The following SMC2 variants were observed in gnomAD, a reference collection of about 807,000 sequenced individuals.
SMC2 encodes structural maintenance of chromosomes 2.
Under a neutral mutation model 142.6 loss-of-function variants are expected in SMC2, and 41 were observed. The ratio of observed to expected loss-of-function variants is 0.29; its 90% CI spans 0.22 to 0.37. The LOEUF (loss-of-function observed/expected upper bound fraction) is 0.37, where lower values mean the gene tolerates loss of function less well. SMC2 is among the 10% of genes least tolerant of loss of function. SMC2 has a pLI of 1.00. For missense variants in SMC2, 1,265 were observed against 1,373.7 expected, an observed-to-expected ratio of 0.92 and a Z score of 1.25; for synonymous variants, 463 against 457.5, an observed-to-expected ratio of 1.01 and a Z score of -0.15.
chr9:104,090,278 G>A (rs945539855), upstream of SMC2, among the ~76,000 whole-genome samples: 5 of 152,204 alleles, frequency 3.3e-5, no homozygotes, highest in Non-Finnish European at 7.3e-5. Flanking sequence ...AAGCAGAACA[G>A]ATACTGCGGT....
intron 20 of SMC2, among the ~76,000 whole-genome samples, 192 bp downstream of exon 20, chr9:104,127,672 A>AT (rs1834462547): frequency 6.6e-6 from 1 of 152,292 alleles, no homozygotes; most frequent in African/African-American, 2.4e-5. Flanking sequence ...CAAATGTTTT[A>AT]TTTTTAGATT....
At chr9:104,098,674 A>G (rs2131296381) in intron 4 of SMC2, 106 bp downstream of exon 4, 1 of 1,156,204 alleles carries the variant, frequency 8.6e-7, no homozygotes, top group Non-Finnish European at 1.2e-6. Context: ...TATACTTTTT[A>G]TTTACTATTG....
intron 22 of SMC2, 75 bp from the exon 23 acceptor site, chr9:104,134,340 C>T (rs1835303645): frequency 4.5e-6 from 5 of 1,110,828 alleles, no homozygotes; most frequent in Non-Finnish European, 6.4e-6. Flanking sequence ...TGCTGTGTTG[C>T]ATATACATAT....
intron 6 of SMC2, 91 bp downstream of exon 6, chr9:104,100,294 G>T: frequency 7.2e-6 from 10 of 1,396,940 alleles, no homozygotes; most frequent in Non-Finnish European, 9.9e-6. Context: ...TTTTTCCTTG[G>T]TTCAGTTTTC....
Position 104,139,173 on chromosome 9 carries a change from A to G in SMC2, c.3452A>G (p.Asn1151Ser), listed in dbSNP as rs771073402. ...GTGTCACTAAAAGAAGGTATGTTCA[A>G]CAATGCAAACGTTCTTTTCAAAACC... ...IVVSLKEGMF[N>S]NANVLFKTKF... is the part of the protein sequence containing the mutation. Residue 1151 changes from asparagine to serine, a missense_variant, in exon 25 of 25, where the codon AAC becomes AGC. By Grantham distance (46) the Asn-to-Ser change is conservative (BLOSUM62 1). This residue lies in a region of SMC2 where 192 missense variants were observed against 261.9 expected (regional missense o/e 0.73). Coordinates refer to ENST00000374793, the MANE Select transcript of SMC2 (RefSeq NM_006444.3). The G allele has an allele frequency of 1.3e-6, 2 of 1,591,858 alleles. No individual in the cohort carries two copies. Among genetic ancestry groups the G allele is most frequent in the South Asian group, 1.2e-5 (1 of 85,632 alleles).
chr9:104,137,782 T>TTGTC (rs1157164144), intron 23 of SMC2, among the ~76,000 whole-genome samples: 1 of 151,768 alleles, frequency 6.6e-6, no homozygotes, highest in African/African-American at 2.4e-5. Context: ...AATATTAAAA[T>TTGTC]TGTCTATGAA....
At chr9:104,125,396 A>G (rs1834156646) in intron 18 of SMC2, among the ~76,000 whole-genome samples, 1 of 152,132 alleles carries the variant, frequency 6.6e-6, no homozygotes, top group Non-Finnish European at 1.5e-5. Flanking sequence ...TATAATGCAA[A>G]TATTCCAAAA....
intron 3 of SMC2, among the ~76,000 whole-genome samples, chr9:104,098,000 G>A (rs2131291563): frequency 6.6e-6 from 1 of 152,236 alleles, no homozygotes; most frequent in African/African-American, 2.4e-5. Flanking sequence ...CTTTTAAATG[G>A]TCATAAATCA....
chr9:104,117,737 G>A (rs1325981155), intron 14 of SMC2, among the ~76,000 whole-genome samples: 2 of 152,118 alleles, frequency 1.3e-5, no homozygotes, highest in Non-Finnish European at 2.9e-5. Flanking sequence ...GCTCATTGGA[G>A]TATTTTGGAT....
intron 14 of SMC2, among the ~76,000 whole-genome samples, chr9:104,116,645 T>TTTTTG (rs1196522704): frequency 6.6e-6 from 1 of 152,082 alleles, no homozygotes; most frequent in Non-Finnish European, 1.5e-5. Flanking sequence ...ATTCTTCAAG[T>TTTTTG]TTTTGTTTTT....
chr9:104,098,396 C>G lies in SMC2; in HGVS notation c.319-50C>G, dbSNP rs775579576. On this transcript the variant is annotated intron_variant, in intron 3 of 24. Coordinates refer to ENST00000374793, the MANE Select transcript of SMC2 (RefSeq NM_006444.3). The stretch of plus-strand genomic sequence containing the variant: ...AGCTAATATACTTAGTTTATCCTAG[C>G]ACAAGGTGTGCATGTACATTAATAT... 8 of 1,478,588 alleles carry G rather than the reference C, an allele frequency of 5.4e-6. No homozygotes were observed. The East Asian group carries it at 1.9e-4, about 35-fold the overall frequency. 91.6% of individuals were successfully genotyped at this position (1,478,588 alleles called of 1,614,324 possible).
chr9:104,106,726 T>TA (rs1831835078), intron 9 of SMC2, among the ~76,000 whole-genome samples: 3 of 152,202 alleles, frequency 2.0e-5, no homozygotes, highest in South Asian at 4.1e-4. Context: ...TTCGAGTCAC[T>TA]AAGTTGCCCT....
At chr9:104,130,586 TA>T (rs112701252) in intron 21 of SMC2, among the ~76,000 whole-genome samples, 8,606 of 152,202 alleles carry the variant, frequency 0.057, 648 homozygotes, top group African/African-American at 0.18. Flanking sequence ...AATTTTACCA[TA>T]ATTTTTTTTA....
At chr9:104,094,732 TCATCTCTAGTAAATACTTAAA>T (rs1830262245) in intron 1 of SMC2, 1 of 292,594 alleles carries the variant, frequency 3.4e-6, no homozygotes, top group Admixed American at 5.1e-5. Flanking sequence ...GAGATACATC[TCATCTCTAGTAAATACTTAAA>T]TGACTTCCCC....
intron 9 of SMC2, 93 bp from the exon 10 acceptor site, chr9:104,111,488 G>T: frequency 1.5e-6 from 1 of 684,854 alleles, no homozygotes; most frequent in African/African-American, 1.8e-5. Flanking sequence ...ACTCCAAATT[G>T]CTATGGAATT....
At chr9:104,113,862 A>AT in intron 11 of SMC2, 102 bp from the exon 12 acceptor site, 2 of 692,906 alleles carry the variant, frequency 2.9e-6, no homozygotes, top group Non-Finnish European at 2.4e-6. Flanking sequence ...AGAAATTTGT[A>AT]TTTTTTGCAT....
At chr9:104,118,629 C>CT (rs1833391499) in intron 15 of SMC2, among the ~76,000 whole-genome samples, 6 of 152,148 alleles carry the variant, frequency 3.9e-5, no homozygotes, top group Admixed American at 3.3e-4. Flanking sequence ...ATTTGCCACA[C>CT]TGAGTTTGCA....
chr9:104,140,385 T>C lies in SMC2; in HGVS notation c.*1070T>C, dbSNP rs1418777029. 6.6e-6 allele frequency: 1 copy of C among 152,166 alleles called. No individual in the cohort carries two copies. The highest frequency in any genetic ancestry group is 1.5e-5 in the Non-Finnish European group (1 of 68,012). The allele number at this position is 152,166 out of a possible 1,614,324, so 9.4% of individuals were successfully genotyped here. On this transcript the variant is annotated 3_prime_UTR_variant, in exon 25 of 25. Transcript: ENST00000374793. ...TCTACAGTTTTTGGTACGTCATCAC[T>C]AGAACAGTGACCCCAAACTGAATCA... is the stretch of plus-strand genomic sequence containing the variant.
In SMC2 at chr9:104,099,662, T is replaced by A. The variant is rs1830891022; in HGVS notation, c.460T>A (p.Leu154Met). 6.4e-7 allele frequency: 1 copy of A among 1,570,026 alleles called. No individual in the cohort carries two copies. The highest frequency in any genetic ancestry group is 1.4e-5 in the African/African-American group (1 of 74,072). Residue 154 changes from leucine (L) to methionine (M), a missense_variant, in exon 5 of 25, where the codon TTG becomes ATG. Around this residue, in one of 4 missense-constraint regions of SMC2, gnomAD observed 168 missense variants for 184.8 expected, o/e 0.91. Transcript: ENST00000374793. ...TTTTCAGGGCCGAATTACAAAAGTA[T>A]TGAATATGAAACCTCCAGAGGTAAG... is the stretch of plus-strand genomic sequence containing the variant. The part of the protein sequence containing the change: ...LIMQGRITKV[L>M]NMKPPEILSM...
Sources: allele counts gnomAD v4.1 joint callset (sites outside exome capture counted in the v4.1 genomes callset), GRCh38; gene constraint gnomAD v4.1.1; regional missense constraint gnomAD v4.1.1; transcripts MANE v1.5; gene names NCBI Gene and HGNC (gene_info 2026-07-23, HGNC 2026-07-21).